The following ANKS1B variants were observed in gnomAD, a reference collection of about 807,000 sequenced individuals.
ANKS1B encodes ankyrin repeat and sterile alpha motif domain-containing protein 1B.
ANKS1B carries 36 observed loss-of-function variants against 148.3 expected under a neutral mutation model. The observed-to-expected ratio is 0.24, with a 90% CI of 0.19 to 0.32. The LOEUF (loss-of-function observed/expected upper bound fraction) is 0.32, where lower values mean the gene tolerates loss of function less well. Among genes scored for constraint, ANKS1B ranks in the 10% least tolerant of loss-of-function variants. The pLI, the probability that ANKS1B is intolerant of heterozygous loss-of-function variation, is 1.00. For synonymous variants in ANKS1B, 542 were observed against 560.8 expected (o/e 0.97, Z 0.47); for missense variants, 1,157 against 1,542.6 (o/e 0.75, Z 4.19).
intron 12 of ANKS1B, among the ~76,000 whole-genome samples, chr12:99,373,284 G>A (rs909011810): frequency 1.1e-4 from 16 of 152,130 alleles, no homozygotes; most frequent in African/African-American, 3.4e-4. Flanking sequence ...AAGAGGTATC[G>A]TATGACAATT....
chr12:98,918,965 T>G (rs1219112074), intron 17 of ANKS1B, among the ~76,000 whole-genome samples: 2 of 152,330 alleles, frequency 1.3e-5, no homozygotes, highest in Non-Finnish European at 2.9e-5. Flanking sequence ...CAATACTCAC[T>G]GACATATTTA....
At chr12:99,114,760 A>C in intron 15 of ANKS1B, among the ~76,000 whole-genome samples, 1 of 152,172 alleles carries the variant, frequency 6.6e-6, no homozygotes, top group Non-Finnish European at 1.5e-5. Context: ...TCAAAAAAAA[A>C]AAGAACTTAA....
In ANKS1B at chr12:99,464,222, G is replaced by T. The variant is rs541596546; in HGVS notation, c.1439-20413C>A. Among the ~76,000 whole-genome samples, 1,119 of 152,288 alleles carry T rather than the reference G, an allele frequency of 7.3e-3. 15 individuals are homozygous for T. Among genetic ancestry groups the T allele is most frequent in the African/African-American group, 0.024 (1,012 of 41,558 alleles). On this transcript the variant is annotated intron_variant, in intron 10 of 26. Coordinates refer to ENST00000683438, the MANE Select transcript of ANKS1B (RefSeq NM_001352186.2). The stretch of plus-strand genomic sequence containing the variant: ...TCTAGCAAACTCCAACAGACCTGCA[G>T]CTGAGGGTCCTGTCTGTTAGAGGGA...
Position 99,829,003 on chromosome 12 carries a change from A to G in ANKS1B, c.135-3614T>C, listed in dbSNP as rs138608645. 4.6e-4 allele frequency among the ~76,000 whole-genome samples: 70 copies of G among 152,280 alleles called. 1 individual carries two copies. The highest frequency in any genetic ancestry group is 1.6e-3 in the African/African-American group (68 of 41,572). On this transcript the variant is annotated intron_variant, in intron 1 of 26. Transcript: ENST00000683438. ...GTCTCAAAAATAAAAAGTAAAAAAT[A>G]AAGCTCATGAAGTATCTCAGATACT...
chr12:99,914,952 G>C (rs751221248), intron 1 of ANKS1B, among the ~76,000 whole-genome samples: 2 of 152,062 alleles, frequency 1.3e-5, no homozygotes, highest in African/African-American at 4.8e-5. Context: ...ACTGTAAGGC[G>C]CAGTGGCTCA....
At chr12:99,396,574 C>A (rs1205477663) in intron 12 of ANKS1B, among the ~76,000 whole-genome samples, 1 of 152,064 alleles carries the variant, frequency 6.6e-6, no homozygotes, top group African/African-American at 2.4e-5. Flanking sequence ...AAAGGTCAGA[C>A]CTGAAAATAT....
chr12:99,737,123 G>A (rs138854607), intron 8 of ANKS1B, among the ~76,000 whole-genome samples: 1 of 152,184 alleles, frequency 6.6e-6, no homozygotes, highest in East Asian at 1.9e-4. Flanking sequence ...AAAACAGTAT[G>A]GAGATTTTTC....
rs898388298 is a variant in ANKS1B at position 99,984,859 on chromosome 12, G to C, written c.-622C>G. Among the ~76,000 whole-genome samples, 1 of 146,930 alleles carries C rather than the reference G, an allele frequency of 6.8e-6. No homozygotes were observed. The highest frequency in any genetic ancestry group is 6.8e-5 in the Admixed American group (1 of 14,786). On this transcript the variant is annotated 5_prime_UTR_variant, in exon 1 of 27. Transcript: ENST00000683438. ...GGCGCGTGCCGAGGGCGGCGGCGGC[G>C]GCGAGGCCTGGCGCGCGGGGGGCGT...
At chr12:99,566,802 T>C (rs1238092506) in intron 9 of ANKS1B, among the ~76,000 whole-genome samples, 1 of 152,184 alleles carries the variant, frequency 6.6e-6, no homozygotes, top group Admixed American at 6.5e-5. Flanking sequence ...AAACATCTAT[T>C]GCTTATAATT....
chr12:99,022,239 C>A (rs4762217), intron 17 of ANKS1B, among the ~76,000 whole-genome samples: 61,262 of 151,932 alleles, frequency 0.4, 12,595 homozygotes, highest in South Asian at 0.51. Flanking sequence ...CTTCCCACAA[C>A]TGAACCTTCA....
At chr12:99,783,771 C>A (rs531687261) in intron 4 of ANKS1B, among the ~76,000 whole-genome samples, 4 of 151,904 alleles carry the variant, frequency 2.6e-5, no homozygotes, top group Admixed American at 2.0e-4. Flanking sequence ...TGATTGACTG[C>A]GAAATTACAG....
chr12:99,109,191 G>GC (rs11372793), intron 15 of ANKS1B, among the ~76,000 whole-genome samples: 100,052 of 151,924 alleles, frequency 0.66, 33,195 homozygotes, highest in East Asian at 0.89. Context: ...ATCAGCACTT[G>GC]CTAGCTTCTG....
intron 17 of ANKS1B, among the ~76,000 whole-genome samples, chr12:98,920,868 G>T (rs1041431765): frequency 1.3e-5 from 2 of 152,098 alleles, no homozygotes; most frequent in African/African-American, 2.4e-5. Context: ...GTTTTACTAA[G>T]GGTGAAGTAA....
intron 10 of ANKS1B, among the ~76,000 whole-genome samples, chr12:99,457,263 T>A (rs1404250432): frequency 1.3e-5 from 2 of 152,094 alleles, no homozygotes; most frequent in Non-Finnish European, 2.9e-5. Context: ...GCTCTAAATT[T>A]TTTTTTAACC....
intron 25 of ANKS1B, among the ~76,000 whole-genome samples, chr12:98,764,647 AG>A (rs2098457000): frequency 6.6e-6 from 1 of 152,240 alleles, no homozygotes; most frequent in African/African-American, 2.4e-5. Flanking sequence ...TGGTTTAGTC[AG>A]CACAGCAAAT....
rs535288887 is a variant in ANKS1B, at chr12:98,844,958, G to A, written c.2779-12822C>T. Among the ~76,000 whole-genome samples, 102 of 152,312 alleles carry A rather than the reference G, an allele frequency of 6.7e-4. 1 individual carries two copies. The highest frequency in any genetic ancestry group is 2.2e-3 in the African/African-American group (91 of 41,554). ...CACCAAAAAGATGCAATTTAACAGGGATAAATATAATGTCTTACATTAAGG... is the reference window on the plus strand; with the variant it reads ...CACCAAAAAGATGCAATTTAACAGGAATAAATATAATGTCTTACATTAAGG... On this transcript the variant is annotated intron_variant, in intron 17 of 26. Coordinates refer to ENST00000683438, the MANE Select transcript of ANKS1B (RefSeq NM_001352186.2).
intron 11 of ANKS1B, among the ~76,000 whole-genome samples, chr12:99,425,624 A>G (rs1310497385): frequency 6.6e-6 from 1 of 151,946 alleles, no homozygotes; most frequent in Non-Finnish European, 1.5e-5. Flanking sequence ...AAAAGTTTTA[A>G]CTACTTCTTA....
chr12:99,157,311 T>C (rs928231891), intron 14 of ANKS1B, among the ~76,000 whole-genome samples: 1 of 152,188 alleles, frequency 6.6e-6, no homozygotes, highest in Non-Finnish European at 1.5e-5. Context: ...CCTGGTCATT[T>C]TGAATTATAA....
chr12:99,069,664 G>T (rs1424968945), intron 16 of ANKS1B, among the ~76,000 whole-genome samples: 3 of 152,194 alleles, frequency 2.0e-5, no homozygotes, highest in Admixed American at 6.5e-5. Flanking sequence ...ATTTCCTCTT[G>T]AAGACATGAA....
Sources: allele counts gnomAD v4.1 joint callset (sites outside exome capture counted in the v4.1 genomes callset), GRCh38; gene constraint gnomAD v4.1.1; transcripts MANE v1.5; gene names NCBI Gene and HGNC (gene_info 2026-07-23, HGNC 2026-07-21).